CLNK: variants seen among roughly 807,000 people sequenced by gnomAD.
CLNK encodes the protein cytokine dependent hematopoietic cell linker, also known as cytokine-dependent hematopoietic cell linker.
In CLNK, 74 loss-of-function variants were observed where a neutral mutation model predicts 68.6. The ratio of observed to expected loss-of-function variants is 1.08; its 90% confidence interval spans 0.89 to 1.31. CLNK has a LOEUF of 1.31. Ranked by LOEUF, CLNK falls within the 50% of genes most tolerant of loss-of-function variation. CLNK has a pLI of 0.00. For synonymous variants in CLNK, 198 were observed against 172.2 expected, an observed-to-expected ratio of 1.15 and a Z score of -1.17; for missense variants, 553 against 515.3, an observed-to-expected ratio of 1.07 and a Z score of -0.71.
chr4:10,650,715 A>T (rs1366304885), intron 2 of CLNK, among the ~76,000 whole-genome samples: 3 of 151,986 alleles, frequency 2.0e-5, no homozygotes, highest in African/African-American at 7.2e-5. Context: ...GCTTTCATTT[A>T]AAAAAAATTC....
chr4:10,590,747 A>G (rs1721153650), intron 3 of CLNK, among the ~76,000 whole-genome samples: 1 of 152,216 alleles, frequency 6.6e-6, no homozygotes, highest in African/African-American at 2.4e-5. Context: ...GATAAAAACA[A>G]GGAAGGATGG....
At chr4:10,732,758 A>G in the CLNK span, among the ~76,000 whole-genome samples, 2 of 152,282 alleles carry the variant, frequency 1.3e-5, no homozygotes, top group East Asian at 3.9e-4. Flanking sequence ...TTTAAAATAA[A>G]TAGCCACAGG....
the CLNK span, among the ~76,000 whole-genome samples, chr4:10,700,373 C>T: frequency 6.6e-6 from 1 of 152,172 alleles, no homozygotes; most frequent in Admixed American, 6.5e-5. Flanking sequence ...GCCTGTCTAA[C>T]TCCAAAGCCA....
intron 2 of CLNK, among the ~76,000 whole-genome samples, chr4:10,630,986 A>T (rs1178025008): frequency 6.6e-6 from 1 of 151,150 alleles, no homozygotes; most frequent in Non-Finnish European, 1.5e-5. Flanking sequence ...TATGAAAAAG[A>T]AACACAAAGG....
chr4:10,635,599 C>G (rs1723052347), intron 2 of CLNK, among the ~76,000 whole-genome samples: 1 of 152,174 alleles, frequency 6.6e-6, no homozygotes, highest in African/African-American at 2.4e-5. Flanking sequence ...AAGAGAGCGA[C>G]AGAGGGACCT....
chr4:10,663,269 C>G (rs1350677575), intron 2 of CLNK, among the ~76,000 whole-genome samples: 1 of 152,200 alleles, frequency 6.6e-6, no homozygotes, highest in Non-Finnish European at 1.5e-5. Flanking sequence ...GCTAGGGAAG[C>G]TGCAAGTTTT....
the CLNK span, among the ~76,000 whole-genome samples, chr4:10,700,202 G>A: frequency 1.9e-4 from 29 of 152,126 alleles, no homozygotes; most frequent in African/African-American, 6.3e-4. Context: ...TAAAGAAACT[G>A]AGAATTACAA....
the CLNK span, among the ~76,000 whole-genome samples, chr4:10,734,644 T>C: frequency 1.3e-5 from 2 of 152,250 alleles, no homozygotes; most frequent in African/African-American, 4.8e-5. Flanking sequence ...TCTTCTTCGA[T>C]GTCAAAATTC....
At chr4:10,657,139 C>T (rs1214401922) in intron 2 of CLNK, among the ~76,000 whole-genome samples, 5 of 152,102 alleles carry the variant, frequency 3.3e-5, no homozygotes, top group Admixed American at 6.5e-5. Flanking sequence ...ACTCATAGCT[C>T]GTAACTGGTA....
chr4:10,635,422 G>C (rs1367576023), intron 2 of CLNK, among the ~76,000 whole-genome samples: 1 of 152,120 alleles, frequency 6.6e-6, no homozygotes, highest in Admixed American at 6.6e-5. Flanking sequence ...CCAGAATTTA[G>C]CTGTACAGTA....
intron 1 of CLNK, among the ~76,000 whole-genome samples, chr4:10,669,989 A>G (rs1413095170): frequency 1.3e-5 from 2 of 152,224 alleles, no homozygotes; most frequent in African/African-American, 4.8e-5. Flanking sequence ...CTGGAAGTTG[A>G]GAGACCTCTG....
intron 1 of CLNK, among the ~76,000 whole-genome samples, chr4:10,670,514 C>G (rs566243050): frequency 6.6e-6 from 1 of 152,346 alleles, no homozygotes; most frequent in South Asian, 2.1e-4. Context: ...AGAACAGTTC[C>G]CTGCAAGGCT....
chr4:10,653,479 C>T (rs1465986647), intron 2 of CLNK, among the ~76,000 whole-genome samples: 2 of 151,798 alleles, frequency 1.3e-5, no homozygotes, highest in African/African-American at 2.4e-5. Context: ...TAAAAATGCT[C>T]CAGAATTTAT....
intron 1 of CLNK, among the ~76,000 whole-genome samples, chr4:10,677,687 T>C (rs1003891138): frequency 6.6e-6 from 1 of 152,076 alleles, no homozygotes; most frequent in Non-Finnish European, 1.5e-5. Flanking sequence ...GTGGAGAAGG[T>C]GGCTGCTTCC....
At chr4:10,610,089 T>C (rs1288878491) in intron 2 of CLNK, among the ~76,000 whole-genome samples, 46 of 112,194 alleles carry the variant, frequency 4.1e-4, no homozygotes, top group Non-Finnish European at 2.3e-4. Flanking sequence ...CGGAGTCTCG[T>C]TCTGTCGCCC....
At chr4:10,499,860 C>T (rs1350765663) in intron 18 of CLNK, among the ~76,000 whole-genome samples, 2 of 152,146 alleles carry the variant, frequency 1.3e-5, no homozygotes, top group African/African-American at 4.8e-5. Flanking sequence ...TCCTAATCTC[C>T]TCTTGTCATA....
the CLNK span, among the ~76,000 whole-genome samples, chr4:10,728,216 A>C: frequency 6.6e-6 from 1 of 152,180 alleles, no homozygotes; most frequent in South Asian, 2.1e-4. Flanking sequence ...GAGTGATGAC[A>C]CTGAGAAACC....
At chr4:10,682,143 G>GTA (rs1725117784) in intron 1 of CLNK, among the ~76,000 whole-genome samples, 1 of 151,880 alleles carries the variant, frequency 6.6e-6, no homozygotes, top group Non-Finnish European at 1.5e-5. Flanking sequence ...ATGTGTGTGT[G>GTA]TGTGTGTGTG....
intron 7 of CLNK, among the ~76,000 whole-genome samples, chr4:10,558,961 T>C (rs897122861): frequency 6.6e-6 from 1 of 152,042 alleles, no homozygotes; most frequent in Admixed American, 6.5e-5. Context: ...AGTTTCCTTA[T>C]CTGTGAAATG....
Sources: gnomAD v4.1 joint callset for allele counts (sites outside exome capture counted in the v4.1 genomes callset) on GRCh38, gnomAD v4.1.1 for gene constraint, MANE v1.5 for transcripts, NCBI Gene and HGNC (gene_info 2026-07-23, HGNC 2026-07-21) for gene names.